Variants in CDK14 observed in about 807,000 individuals in gnomAD.
CDK14 encodes the protein cyclin-dependent kinase 14.
Under a neutral mutation model 60.7 loss-of-function variants are expected in CDK14, and 34 were observed. The observed-to-expected ratio is 0.56, with a 90% CI of 0.43 to 0.75. The LOEUF (loss-of-function observed/expected upper bound fraction) is 0.75. CDK14 is among the 30% of genes least tolerant of loss of function. The pLI is 0.00. For synonymous variants in CDK14, 197 were observed against 203.7 expected, an observed-to-expected ratio of 0.97 and a Z score of 0.28; for missense variants, 482 against 564.1, an observed-to-expected ratio of 0.85 and a Z score of 1.47.
At chr7:90,940,074 T>TC (rs904070069) in intron 8 of CDK14, among the ~76,000 whole-genome samples, 1 of 152,156 alleles carries the variant, frequency 6.6e-6, no homozygotes, top group Admixed American at 6.5e-5. Context: ...TTTCTTTCTC[T>TC]CTTTTTTTTC....
chr7:91,144,244 GAAAT>G (rs1326011227), intron 14 of CDK14, among the ~76,000 whole-genome samples: 1 of 152,136 alleles, frequency 6.6e-6, no homozygotes, highest in Non-Finnish European at 1.5e-5. Flanking sequence ...AATGCAGTAA[GAAAT>G]AAAAAGTATA....
intron 5 of CDK14, among the ~76,000 whole-genome samples, chr7:90,808,292 G>A (rs1788943139): frequency 6.6e-6 from 1 of 152,212 alleles, no homozygotes; most frequent in African/African-American, 2.4e-5. Context: ...CAAGCCAGAA[G>A]AGAGTGGGGG....
rs1403771836 is a variant in CDK14, at chr7:91,118,167, A to C, written c.1397A>C (p.Asn466Thr). The change falls in exon 14 of 15, where the codon AAC becomes ACC. Residue 466 changes from asparagine to threonine, a missense_variant. Coordinates refer to ENST00000380050, the MANE Select transcript of CDK14 (RefSeq NM_001287135.2). ...AATAGTTATGGCAAAAGTCTATCAA[A>C]CAGCAAGCACTGACAAGCAGCACAT... ...KNNSYGKSLS[N>T]SKH The C allele has an allele frequency of 6.2e-7, 1 of 1,607,882 alleles. No homozygotes were observed. The highest frequency in any genetic ancestry group is 8.5e-7 in the Non-Finnish European group (1 of 1,174,592).
chr7:90,906,982 T>A lies in CDK14; in HGVS notation c.702+7629T>A, dbSNP rs529858041. ...TTACAAAATGTGTCTATTATCAGTA[T>A]GGCATTCTGAAATAAATATTCACTA... On this transcript the variant is annotated intron_variant, in intron 7 of 14. Transcript: ENST00000380050. Among the ~76,000 whole-genome samples, 9 of 152,228 alleles carry A rather than the reference T, an allele frequency of 5.9e-5. No individual in the cohort carries two copies. The South Asian group carries it at 1.9e-3, about 32-fold the overall frequency.
intron 10 of CDK14, among the ~76,000 whole-genome samples, chr7:90,993,031 A>G (rs974700517): frequency 1.1e-4 from 17 of 152,154 alleles, no homozygotes; most frequent in African/African-American, 4.1e-4. Context: ...AGAGTAGATG[A>G]TAGTTCAGAA....
At chr7:90,875,736 C>G (rs1299773951) in intron 6 of CDK14, among the ~76,000 whole-genome samples, 1 of 151,626 alleles carries the variant, frequency 6.6e-6, no homozygotes, top group Non-Finnish European at 1.5e-5. Context: ...GATTGTTCTC[C>G]TAATTTTCTT....
intron 4 of CDK14, among the ~76,000 whole-genome samples, chr7:90,767,792 T>C (rs1177430447): frequency 6.6e-6 from 1 of 152,208 alleles, no homozygotes; most frequent in Non-Finnish European, 1.5e-5. Context: ...TAAAATTTTT[T>C]CTAATACGTT....
intron 11 of CDK14, among the ~76,000 whole-genome samples, chr7:91,069,658 A>G (rs776297875): frequency 1.1e-3 from 165 of 152,386 alleles, no homozygotes; most frequent in Non-Finnish European, 1.7e-3. Flanking sequence ...AATACTTTAA[A>G]AAACTAATGT....
intron 2 of CDK14, among the ~76,000 whole-genome samples, chr7:90,617,277 G>A (rs1799673607): frequency 6.6e-6 from 1 of 152,014 alleles, no homozygotes; most frequent in South Asian, 2.1e-4. Context: ...CTAGAAGGTG[G>A]TGGTTTAATC....
chr7:91,034,723 TC>T (rs2115958900), intron 10 of CDK14, among the ~76,000 whole-genome samples: 1 of 152,254 alleles, frequency 6.6e-6, no homozygotes, highest in South Asian at 2.1e-4. Context: ...CACTACAGAT[TC>T]TGCTGCTCCG....
chr7:90,664,373 C>T (rs1017577011), intron 2 of CDK14, among the ~76,000 whole-genome samples: 4 of 152,114 alleles, frequency 2.6e-5, no homozygotes, highest in East Asian at 1.9e-4. Flanking sequence ...TTGTGGAAGT[C>T]GGTGTGGCGA....
intron 2 of CDK14, among the ~76,000 whole-genome samples, chr7:90,657,457 G>A (rs1241496823): frequency 6.6e-6 from 1 of 152,166 alleles, no homozygotes. Context: ...GCATGTGATA[G>A]TAAATTTTAA....
chr7:90,880,793 A>G (rs1348505790), intron 6 of CDK14, among the ~76,000 whole-genome samples: 1 of 152,078 alleles, frequency 6.6e-6, no homozygotes, highest in East Asian at 1.9e-4. Flanking sequence ...AACGAATCAG[A>G]TGAATAGGGC....
chr7:90,676,165 A>C (rs1280116737), intron 2 of CDK14, among the ~76,000 whole-genome samples: 4 of 152,232 alleles, frequency 2.6e-5, no homozygotes, highest in Non-Finnish European at 4.4e-5. Context: ...ATTTTAGTGG[A>C]GACAGTAAGC....
intron 8 of CDK14, among the ~76,000 whole-genome samples, chr7:90,924,869 T>G (rs1466035897): frequency 6.6e-6 from 1 of 152,140 alleles, no homozygotes; most frequent in Non-Finnish European, 1.5e-5. Context: ...TATTAGTATT[T>G]TAAAATGTCC....
At chr7:90,640,307 C>T (rs10953014) in intron 2 of CDK14, among the ~76,000 whole-genome samples, 47,033 of 151,866 alleles carry the variant, frequency 0.31, 8,192 homozygotes, top group East Asian at 0.67. Context: ...ACAGTAAACA[C>T]GCTTTTTGTT....
At chr7:90,616,645 G>T (rs1246892367) in intron 2 of CDK14, among the ~76,000 whole-genome samples, 1 of 152,016 alleles carries the variant, frequency 6.6e-6, no homozygotes, top group Non-Finnish European at 1.5e-5. Context: ...TGTGTTACAT[G>T]TGCAACAAAA....
At chr7:91,007,342 TC>T (rs1293427259) in intron 10 of CDK14, among the ~76,000 whole-genome samples, 16 of 152,220 alleles carry the variant, frequency 1.1e-4, no homozygotes, top group Admixed American at 7.9e-4. Flanking sequence ...GTAGCATTAT[TC>T]CCTGGAGAAC....
At position 90,747,679 on chromosome 7, in the gene CDK14, A is replaced by T. The variant is rs1019879692; in HGVS notation, c.370-2A>T. On this transcript the variant is annotated splice_acceptor_variant, in intron 3 of 14. Transcript: ENST00000380050. LOFTEE classifies it high-confidence loss of function. ...TTTGTTTACCCTGTGCTTCATTTTT[A>T]GCCAACAAGTCCCAAATTTGGAAAA... 1 of 1,576,912 alleles carries T rather than the reference A, an allele frequency of 6.3e-7. No homozygotes were observed. Among genetic ancestry groups the T allele is most frequent in the Non-Finnish European group, 8.6e-7 (1 of 1,159,222 alleles).
Sources: gnomAD v4.1 joint callset for allele counts (sites outside exome capture counted in the v4.1 genomes callset) on GRCh38, gnomAD v4.1.1 for gene constraint, MANE v1.5 for transcripts, NCBI Gene and HGNC (gene_info 2026-07-23, HGNC 2026-07-21) for gene names.